TNN: variants seen among roughly 807,000 people sequenced by gnomAD.
The protein encoded by TNN is tenascin N.
In TNN, 122 loss-of-function variants were observed where a neutral mutation model predicts 134.4. The ratio of observed to expected loss-of-function variants is 0.91; its 90% CI spans 0.78 to 1.06. The LOEUF (loss-of-function observed/expected upper bound fraction) is 1.06. Among genes scored for constraint, TNN ranks in the 50% least tolerant of loss-of-function variants. The pLI, the probability that TNN is intolerant of heterozygous loss-of-function variation, is 0.00. For missense variants in TNN, 1,739 were observed against 1,699.4 expected (o/e 1.02, Z -0.41); for synonymous variants, 710 against 670.3 (o/e 1.06, Z -0.91).
chr1:175,128,226 C>T, intron 14 of TNN, 62 bp downstream of exon 14: 1 of 1,457,268 alleles, frequency 6.9e-7, no homozygotes. Context: ...GAAAGCCTAG[C>T]AAAGGAGTCC....
At chr1:175,111,113 T>C (rs563329281) in intron 9 of TNN, among the ~76,000 whole-genome samples, 12 of 151,910 alleles carry the variant, frequency 7.9e-5, no homozygotes, top group African/African-American at 2.9e-4. Flanking sequence ...AGGACAGAAG[T>C]TCGAGACCAG....
intron 6 of TNN, among the ~76,000 whole-genome samples, chr1:175,092,641 G>A (rs956714127): frequency 6.6e-6 from 1 of 152,162 alleles, no homozygotes; most frequent in East Asian, 1.9e-4. Flanking sequence ...TATAGTCTTT[G>A]TTAGATAAGA....
chr1:175,076,984 C>T (rs1484328723), intron 1 of TNN, among the ~76,000 whole-genome samples: 2 of 152,194 alleles, frequency 1.3e-5, no homozygotes, highest in Non-Finnish European at 2.9e-5. Context: ...ATAGCAAGTG[C>T]TCTATGTGCA....
At chr1:175,137,350 TTGTC>T (rs1298543806) in intron 17 of TNN, among the ~76,000 whole-genome samples, 4 of 126,940 alleles carry the variant, frequency 3.2e-5, no homozygotes, top group African/African-American at 8.5e-5. Context: ...GCTGTCATCT[TTGTC>T]TGCACAGTAG....
At chr1:175,140,066 G>A (rs554312612) in intron 17 of TNN, among the ~76,000 whole-genome samples, 2 of 152,308 alleles carry the variant, frequency 1.3e-5, no homozygotes, top group Admixed American at 1.3e-4. Context: ...GTGTGACTAA[G>A]CACACTGTCC....
At chr1:175,101,071 C>T (rs747528841) in intron 9 of TNN, among the ~76,000 whole-genome samples, 1 of 152,212 alleles carries the variant, frequency 6.6e-6, no homozygotes, top group Non-Finnish European at 1.5e-5. Context: ...TAACTGTAGT[C>T]ATCCTGTGTC....
Position 175,118,680 on chromosome 1 carries a change from GGA to G in TNN, c.2511_2512del (p.Glu837AspfsTer41). On this transcript the variant is annotated frameshift_variant, in exon 11 of 19. Coordinates refer to ENST00000239462, the MANE Select transcript of TNN (RefSeq NM_022093.2). LOFTEE classifies it high-confidence loss of function. The part of the protein sequence containing the change: ...RYVVHYTSAN[G>X]ETREVPVGKE... ...TGTGGTGCACTACACGTCTGCCAACGGAGAGACCAGGGAGGTTCCAGTGGGGA... is the reference window on the plus strand; with the variant it reads ...TGTGGTGCACTACACGTCTGCCAACGGAGACCAGGGAGGTTCCAGTGGGGA... 6.2e-7 allele frequency: 1 copy of G among 1,614,236 alleles called. No individual in the cohort carries two copies. Among genetic ancestry groups the G allele is most frequent in the Non-Finnish European group, 8.5e-7 (1 of 1,180,050 alleles).
At position 175,123,419 on chromosome 1, in the gene TNN, C is replaced by T. The variant is rs1158110495; in HGVS notation, c.2670C>T (p.Asn890=). ...KAQTEIDGPK[N]LVTDWVTENM... ...AAAAAGAAATTGACGGCCCCAAAAA[C>T]CTAGTGACTGACTGGGTGACGGAGA... Residue 890 remains asparagine, a synonymous_variant, in exon 12 of 19, where the codon AAC becomes AAT. Transcript: ENST00000239462. 2.5e-6 allele frequency: 4 copies of T among 1,614,126 alleles called. No homozygotes were observed. The highest frequency in any genetic ancestry group is 3.4e-6 in the Non-Finnish European group (4 of 1,180,020).
In TNN at chr1:175,083,798, C is replaced by T; in HGVS notation, c.1097C>T (p.Ser366Phe). ...TGGGTGACAGATGAGACTGAGAACTCCCTTGACGTGGAGTGGGAAAACCCC... is the reference window on the plus strand; with the variant it reads ...TGGGTGACAGATGAGACTGAGAACTTCCTTGACGTGGAGTGGGAAAACCCC... ...TAWVTDETEN[S>F]LDVEWENPST... Residue 366 changes from serine (S) to phenylalanine (F), a missense_variant, in exon 5 of 19, where the codon TCC (serine) becomes TTC (phenylalanine). Ser to Phe is a radical substitution (Grantham distance 155). Transcript: ENST00000239462. The T allele has an allele frequency of 1.9e-6, 3 of 1,614,202 alleles. No individual in the cohort carries two copies. The highest frequency in any genetic ancestry group is 2.5e-6 in the Non-Finnish European group (3 of 1,180,032).
At chr1:175,078,373 A>T (rs543104741) in intron 2 of TNN, among the ~76,000 whole-genome samples, 57 of 152,348 alleles carry the variant, frequency 3.7e-4, no homozygotes, top group African/African-American at 1.3e-3. Context: ...TTATTTTATT[A>T]GTAAAAATTA....
At chr1:175,072,231 A>T (rs1673930498) in intron 1 of TNN, among the ~76,000 whole-genome samples, 2 of 152,078 alleles carry the variant, frequency 1.3e-5, no homozygotes, top group Admixed American at 1.3e-4. Context: ...CCTGAGTCTA[A>T]TGTATCCCTC....
chr1:175,085,335 G>A, intron 5 of TNN, 70 bp from the exon 6 acceptor site: 1 of 954,368 alleles, frequency 1.0e-6, no homozygotes, highest in Non-Finnish European at 1.7e-6. Context: ...AGAAATCCCA[G>A]GGAGGAGTAG....
At chr1:175,084,378 G>A (rs1405536206) in intron 5 of TNN, among the ~76,000 whole-genome samples, 1 of 152,112 alleles carries the variant, frequency 6.6e-6, no homozygotes, top group Non-Finnish European at 1.5e-5. Flanking sequence ...GGATGTGGAG[G>A]GGGGCAGGGT....
Position 175,077,813 on chromosome 1 carries a change from G to T in TNN, c.395G>T (p.Cys132Phe). 6.2e-7 allele frequency: 1 copy of T among 1,610,266 alleles called. No homozygotes were observed. Among genetic ancestry groups the T allele is most frequent in the Non-Finnish European group, 8.5e-7 (1 of 1,176,728 alleles). ...MKEQCSAQRCCQGVTDLSRHC... is the reference protein window; with the variant it reads ...MKEQCSAQRCFQGVTDLSRHC... The stretch of plus-strand genomic sequence containing the variant: ...GAACAGTGTAGTGCCCAGCGCTGCT[G>T]CCAGGGAGTCACTGGTGAGCTCACC... Residue 132 changes from cysteine (C) to phenylalanine (F), a missense_variant, in exon 2 of 19, where the codon TGC (cysteine) becomes TTC (phenylalanine). By Grantham distance (205) the Cys-to-Phe change is radical (BLOSUM62 -2). Coordinates refer to ENST00000239462, the MANE Select transcript of TNN (RefSeq NM_022093.2).
intron 3 of TNN, 135 bp downstream of exon 3, chr1:175,079,842 T>C: frequency 1.6e-6 from 2 of 1,262,532 alleles, no homozygotes; most frequent in South Asian, 1.6e-5. Flanking sequence ...AACCCCAGAG[T>C]TTCTGATTCT....
intron 4 of TNN, among the ~76,000 whole-genome samples, chr1:175,081,979 T>C (rs1361550662): frequency 1.3e-5 from 2 of 152,168 alleles, no homozygotes; most frequent in East Asian, 3.9e-4. Flanking sequence ...AATGGTCATG[T>C]TTTTGTCTGT....
intron 9 of TNN, among the ~76,000 whole-genome samples, chr1:175,110,870 G>A (rs928822503): frequency 1.3e-5 from 2 of 152,150 alleles, no homozygotes; most frequent in African/African-American, 4.8e-5. Flanking sequence ...GGTTCCATAT[G>A]AATTTTAGAA....
rs59538028 is a variant in TNN at position 175,111,486 on chromosome 1, C to CAA, written c.2120-5424_2120-5423dup. Among the ~76,000 whole-genome samples the CAA allele has an allele frequency of 4.5e-4, 28 of 62,530 alleles. 1 individual carries two copies. The highest frequency in any genetic ancestry group is 9.9e-4 in the African/African-American group (17 of 17,156). The allele number at this position is 62,530 out of a possible 152,430, so 41.0% of individuals were successfully genotyped here. A position where few individuals can be genotyped will look rare whatever the true frequency, so the allele number is the denominator to read the frequency against. On this transcript the variant is annotated intron_variant, in intron 9 of 18. Coordinates refer to ENST00000239462, the MANE Select transcript of TNN (RefSeq NM_022093.2). ...TGGGAAACAGAGCGAGACTCTGTCT[C>CAA]AAAAAAAAAAAAAAAAAAAAAAAAA... is the stretch of plus-strand genomic sequence containing the variant.
intron 9 of TNN, among the ~76,000 whole-genome samples, chr1:175,115,736 A>C (rs920018206): frequency 6.6e-6 from 1 of 152,130 alleles, no homozygotes; most frequent in African/African-American, 2.4e-5. Flanking sequence ...TGTTGGCTCC[A>C]TTTCTGAGGG....
Sources: allele counts gnomAD v4.1 joint callset (sites outside exome capture counted in the v4.1 genomes callset), GRCh38; gene constraint gnomAD v4.1.1; transcripts MANE v1.5; gene names NCBI Gene and HGNC (gene_info 2026-07-23, HGNC 2026-07-21).